LRRK2: variants seen among roughly 807,000 people sequenced by gnomAD.
LRRK2 encodes the protein leucine-rich repeat serine/threonine-protein kinase 2.
A neutral mutation model predicts 302.6 loss-of-function variants in LRRK2; 203 were observed. The ratio of observed to expected loss-of-function variants is 0.67; its 90% confidence interval spans 0.60 to 0.75. The LOEUF is 0.75. Among genes scored for constraint, LRRK2 ranks in the 30% least tolerant of loss-of-function variants. LRRK2 has a pLI of 0.00. For synonymous variants in LRRK2, 1,066 were observed against 1,031.9 expected, an observed-to-expected ratio of 1.03 and a Z score of -0.63; for missense variants, 2,830 against 2,951.0, an observed-to-expected ratio of 0.96 and a Z score of 0.95.
chr12:40,273,400 A>G (rs980939881), intron 14 of LRRK2, among the ~76,000 whole-genome samples: 3 of 152,200 alleles, frequency 2.0e-5, no homozygotes, highest in African/African-American at 7.2e-5. Flanking sequence ...CTGAGCAATT[A>G]AAGTGTGAAG....
At chr12:40,317,830 C>A (rs537459689) in intron 33 of LRRK2, among the ~76,000 whole-genome samples, 1 of 152,136 alleles carries the variant, frequency 6.6e-6, no homozygotes, top group South Asian at 2.1e-4. Context: ...ATGTAACAAA[C>A]CCCCTCGAAA....
chr12:40,365,217 G>A (rs1946841005), intron 49 of LRRK2, 167 bp downstream of exon 49: 1 of 627,924 alleles, frequency 1.6e-6, no homozygotes, highest in Non-Finnish European at 2.8e-6. Flanking sequence ...GGTCATTACA[G>A]AAGTGGAGGG....
Position 40,367,649 on chromosome 12 carries a change from C to T in LRRK2, c.7468C>T (p.Gln2490Ter). 1 of 1,601,784 alleles carries T rather than the reference C, an allele frequency of 6.2e-7. No individual in the cohort carries two copies. The highest frequency in any genetic ancestry group is 8.5e-7 in the Non-Finnish European group (1 of 1,173,282). The change falls in exon 51 of 51, where the codon CAA becomes TAA. Residue 2490 changes from glutamine (Q) to a stop codon, truncating the protein, a stop_gained. Transcript: ENST00000298910. LOFTEE classifies it high-confidence loss of function. ...TCATTTTTTTCTTTTTCTAGAGATA[C>T]AATCTTGCTTGACCGTTTGGGACAT... ...TEGTQKQKEIQSCLTVWDINL... is the reference protein window; with the variant it reads ...TEGTQKQKEI
At chr12:40,238,635 C>T (rs1420078307) in intron 5 of LRRK2, among the ~76,000 whole-genome samples, 1 of 152,130 alleles carries the variant, frequency 6.6e-6, no homozygotes, top group Non-Finnish European at 1.5e-5. Flanking sequence ...AAGTGGGTCA[C>T]AGCAGTGAAG....
At chr12:40,298,746 T>G (rs1236669938) in intron 24 of LRRK2, among the ~76,000 whole-genome samples, 2 of 116,600 alleles carry the variant, frequency 1.7e-5, no homozygotes, top group East Asian at 4.8e-4. Flanking sequence ...CACTCCAGCC[T>G]GGGTGACAGA....
intron 7 of LRRK2, among the ~76,000 whole-genome samples, chr12:40,247,017 A>T (rs538993641): frequency 1.3e-5 from 2 of 152,276 alleles, no homozygotes; most frequent in Non-Finnish European, 2.9e-5. Context: ...ACATTTTCTC[A>T]AAAGGATAAC....
intron 7 of LRRK2, 23 bp downstream of exon 7, chr12:40,243,704 C>G: frequency 6.2e-7 from 1 of 1,605,048 alleles, no homozygotes; most frequent in Non-Finnish European, 8.5e-7. Context: ...GTTAATATGT[C>G]ATCACACACT....
chr12:40,333,097 T>G (rs1160348952), intron 39 of LRRK2, among the ~76,000 whole-genome samples: 1 of 152,196 alleles, frequency 6.6e-6, no homozygotes, highest in Non-Finnish European at 1.5e-5. Flanking sequence ...AGTGAGTTGC[T>G]TTTCCAGGAT....
In LRRK2 at chr12:40,354,493, G is replaced by A; in HGVS notation, c.6770+1G>A. The A allele has an allele frequency of 6.2e-7, 1 of 1,613,332 alleles. No individual in the cohort carries two copies. Among genetic ancestry groups the A allele is most frequent in the Non-Finnish European group, 8.5e-7 (1 of 1,179,492 alleles). On this transcript the variant is annotated splice_donor_variant, in intron 45 of 50. Transcript: ENST00000298910. LOFTEE classifies it high-confidence loss of function. ...ATTGCAATTCCTTTTCCAAGCAAAGGTATGGTAGTGAATTTGATCAATGGG... is the reference window on the plus strand; with the variant it reads ...ATTGCAATTCCTTTTCCAAGCAAAGATATGGTAGTGAATTTGATCAATGGG...
intron 14 of LRRK2, among the ~76,000 whole-genome samples, chr12:40,265,943 A>G (rs1274318644): frequency 1.3e-5 from 2 of 152,230 alleles, no homozygotes; most frequent in Non-Finnish European, 2.9e-5. Flanking sequence ...AAAACTGGCT[A>G]GCCATATGTA....
chr12:40,332,726 T>A (rs909719802), intron 39 of LRRK2, among the ~76,000 whole-genome samples: 2 of 152,124 alleles, frequency 1.3e-5, no homozygotes, highest in Non-Finnish European at 2.9e-5. Flanking sequence ...TATCTGTGAA[T>A]CAAATCTGAC....
chr12:40,323,920 T>C (rs923673711), intron 38 of LRRK2, among the ~76,000 whole-genome samples: 8 of 152,100 alleles, frequency 5.3e-5, no homozygotes, highest in African/African-American at 1.9e-4. Context: ...TAGGTGCTCA[T>C]TGAGAAAAGG....
intron 5 of LRRK2, 77 bp from the exon 6 acceptor site, chr12:40,240,406 G>T: frequency 7.5e-7 from 1 of 1,327,500 alleles, no homozygotes; most frequent in Non-Finnish European, 1.1e-6. Context: ...CAACTATAAT[G>T]AATATTGTAA....
At chr12:40,346,987 T>C in intron 42 of LRRK2, 64 bp downstream of exon 42, 1 of 1,353,312 alleles carries the variant, frequency 7.4e-7, no homozygotes, top group Non-Finnish European at 1.0e-6. Context: ...CATTTTTATT[T>C]AATTGTAGTT....
At chr12:40,329,104 C>T (rs184054072) in intron 39 of LRRK2, among the ~76,000 whole-genome samples, 104 of 152,318 alleles carry the variant, frequency 6.8e-4, no homozygotes, top group African/African-American at 2.4e-3. Flanking sequence ...CACTGATAAG[C>T]TTGCACCTCT....
intron 18 of LRRK2, among the ~76,000 whole-genome samples, chr12:40,278,615 GT>G (rs546297823): frequency 8.5e-5 from 13 of 152,078 alleles, no homozygotes; most frequent in African/African-American, 2.9e-4. Context: ...TTTTTCCATG[GT>G]TTTAGTTTCT....
intron 34 of LRRK2, 139 bp from the exon 35 acceptor site, chr12:40,320,895 A>G: frequency 9.5e-7 from 1 of 1,057,656 alleles, no homozygotes. Context: ...TAGGAAAAAT[A>G]TGTAGTGAAA....
chr12:40,336,534 G>T (rs1447064390), intron 40 of LRRK2, among the ~76,000 whole-genome samples: 5 of 152,178 alleles, frequency 3.3e-5, no homozygotes, highest in African/African-American at 1.2e-4. Context: ...GGGGAAGGGG[G>T]AGAAAGGAGG....
At chr12:40,239,995 G>A (rs1479832555) in intron 5 of LRRK2, among the ~76,000 whole-genome samples, 1 of 152,062 alleles carries the variant, frequency 6.6e-6, no homozygotes, top group East Asian at 1.9e-4. Context: ...CTGTCTGATG[G>A]AAAACCACTA....
Sources: allele counts gnomAD v4.1 joint callset (sites outside exome capture counted in the v4.1 genomes callset), GRCh38; gene constraint gnomAD v4.1.1; transcripts MANE v1.5; gene names NCBI Gene and HGNC (gene_info 2026-07-23, HGNC 2026-07-21).